The following SVOPL variants were observed in gnomAD, a reference collection of about 807,000 sequenced individuals.
The protein encoded by SVOPL is SVOP like.
Under a neutral mutation model 61.0 loss-of-function variants are expected in SVOPL, and 60 were observed. The ratio of observed to expected loss-of-function variants is 0.98; its 90% CI spans 0.80 to 1.22. The LOEUF (loss-of-function observed/expected upper bound fraction) is 1.22. Among genes scored for constraint, SVOPL ranks in the 50% most tolerant of loss-of-function variants. The pLI, the probability that SVOPL is intolerant of heterozygous loss-of-function variation, is 0.00. For synonymous variants in SVOPL, 279 were observed against 250.0 expected, an observed-to-expected ratio of 1.12 and a Z score of -1.09; for missense variants, 662 against 643.9, an observed-to-expected ratio of 1.03 and a Z score of -0.30.
In SVOPL at chr7:138,656,432, T is replaced by G; in HGVS notation, c.534+16A>C. The G allele has an allele frequency of 2.5e-6, 4 of 1,613,540 alleles. No individual in the cohort carries two copies. The highest frequency in any genetic ancestry group is 3.4e-6 in the Non-Finnish European group (4 of 1,179,704). ...ATAGGATGCCAAAGGCAGGTAGAAC[T>G]CCTACGTTGCCTTACCTGAGACAAG... On this transcript the variant is annotated intron_variant, in intron 7 of 15. Transcript: ENST00000674285.
intron 1 of SVOPL, among the ~76,000 whole-genome samples, chr7:138,685,741 G>GACA: frequency 6.6e-6 from 1 of 151,828 alleles, no homozygotes; most frequent in Middle Eastern, 3.4e-3. Context: ...GTGCAGTGGT[G>GACA]GGCACCTGTA....
At chr7:138,668,099 C>T (rs1372470697) in intron 4 of SVOPL, among the ~76,000 whole-genome samples, 4 of 152,096 alleles carry the variant, frequency 2.6e-5, no homozygotes, top group Non-Finnish European at 4.4e-5. Flanking sequence ...CAGCTGGTAC[C>T]ACCCAGACCA....
intron 5 of SVOPL, chr7:138,660,314 A>G (rs1801948359): frequency 9.4e-7 from 1 of 1,062,286 alleles, no homozygotes; most frequent in Non-Finnish European, 1.1e-6. Flanking sequence ...GGACGTAATG[A>G]GGCAGTATGT....
intron 1 of SVOPL, among the ~76,000 whole-genome samples, chr7:138,686,129 G>A (rs2117132416): frequency 6.6e-6 from 1 of 150,696 alleles, no homozygotes; most frequent in Admixed American, 6.6e-5. Context: ...AGGGCCAGGT[G>A]CCACGGCTCA....
In SVOPL at chr7:138,596,424, G is replaced by A; in HGVS notation, c.1460C>T (p.Ala487Val). The A allele has an allele frequency of 1.9e-6, 3 of 1,613,746 alleles. No individual in the cohort carries two copies. The highest frequency in any genetic ancestry group is 2.2e-5 in the South Asian group (2 of 91,036). ...FTLPIETKGR[A>V]LQQIK ...GTTCCCTGCATCACTCACCTGGAGG[G>A]CCCGTCCTTTGGTTTCGATGGGGAG... Residue 487 changes from alanine (A) to valine (V), a missense_variant, in exon 15 of 16, where the codon GCC becomes GTC. By Grantham distance (64) the Ala-to-Val change is moderately conservative. Transcript: ENST00000674285.
chr7:138,630,951 G>GA (rs57139655), intron 9 of SVOPL, among the ~76,000 whole-genome samples: 2,153 of 76,318 alleles, frequency 0.028, 49 homozygotes, highest in Middle Eastern at 0.046. Flanking sequence ...CTCAAAAAAA[G>GA]AAAAAAAAAA....
chr7:138,684,229 A>G (rs1400894877), intron 1 of SVOPL, among the ~76,000 whole-genome samples: 1 of 144,436 alleles, frequency 6.9e-6, no homozygotes, highest in African/African-American at 2.6e-5. Flanking sequence ...GCAGGGCACG[A>G]TGGTGGGTGC....
At chr7:138,604,346 G>GTAAA (rs1467803369) in intron 14 of SVOPL, among the ~76,000 whole-genome samples, 1 of 152,060 alleles carries the variant, frequency 6.6e-6, no homozygotes, top group Non-Finnish European at 1.5e-5. Flanking sequence ...AGAAAACAAT[G>GTAAA]TAAATGACTG....
chr7:138,683,095 T>C (rs1802734626), intron 1 of SVOPL, among the ~76,000 whole-genome samples: 1 of 152,030 alleles, frequency 6.6e-6, no homozygotes, highest in South Asian at 2.1e-4. Context: ...ATGGCCTCAT[T>C]AGGTGTGACA....
At chr7:138,640,760 C>T (rs1800742568) in intron 9 of SVOPL, among the ~76,000 whole-genome samples, 1 of 152,088 alleles carries the variant, frequency 6.6e-6, no homozygotes. Context: ...CTGCAGACTA[C>T]TAGAGTGGGG....
At chr7:138,672,522 A>G (rs1802449386) in intron 3 of SVOPL, among the ~76,000 whole-genome samples, 1 of 152,142 alleles carries the variant, frequency 6.6e-6, no homozygotes, top group African/African-American at 2.4e-5. Flanking sequence ...TGCAGAGCAC[A>G]CGCCTTATAA....
Position 138,627,332 on chromosome 7 carries a change from C to G in SVOPL, c.1181+18G>C, listed in dbSNP as rs771073311. The G allele has an allele frequency of 6.3e-7, 1 of 1,586,042 alleles. No homozygotes were observed. Among genetic ancestry groups the G allele is most frequent in the East Asian group, 2.2e-5 (1 of 44,692 alleles). ...AGAAACCACTGCACAAAATCTGAAG[C>G]AATTAAACAGAAAATACCTTGAAGT... On this transcript the variant is annotated intron_variant, in intron 12 of 15. Coordinates refer to ENST00000674285, the MANE Select transcript of SVOPL (RefSeq NM_001139456.2).
chr7:138,700,486 C>T (rs1311363692), intron 1 of SVOPL, among the ~76,000 whole-genome samples: 2 of 151,720 alleles, frequency 1.3e-5, no homozygotes, highest in South Asian at 2.1e-4. Context: ...TTACAGGCAC[C>T]CACCACCATG....
At chr7:138,697,446 G>GT (rs1180200371) in intron 1 of SVOPL, among the ~76,000 whole-genome samples, 1 of 151,492 alleles carries the variant, frequency 6.6e-6, no homozygotes, top group Non-Finnish European at 1.5e-5. Flanking sequence ...TACAAAAAAA[G>GT]TTTTTTAAAA....
chr7:138,622,242 CTATCTATCTATG>C (rs1799686954), intron 13 of SVOPL, among the ~76,000 whole-genome samples: 15 of 84,192 alleles, frequency 1.8e-4, no homozygotes, highest in East Asian at 8.8e-4. Flanking sequence ...ATGTATCTAT[CTATCTATCTATG>C]TATCTATCTA....
intron 14 of SVOPL, among the ~76,000 whole-genome samples, chr7:138,615,888 T>C (rs1178693971): frequency 6.6e-6 from 1 of 151,976 alleles, no homozygotes; most frequent in East Asian, 1.9e-4. Flanking sequence ...CAGAAAAAAC[T>C]CTTTCCCCTC....
chr7:138,605,480 A>T (rs1259832575), intron 14 of SVOPL, among the ~76,000 whole-genome samples: 3 of 151,946 alleles, frequency 2.0e-5, no homozygotes, highest in Admixed American at 6.6e-5. Flanking sequence ...TGGCCAACAC[A>T]GCGAAACCCG....
chr7:138,595,200 CT>C (rs1377917831), intron 15 of SVOPL, among the ~76,000 whole-genome samples: 6 of 130,250 alleles, frequency 4.6e-5, no homozygotes, highest in Admixed American at 7.5e-5. Flanking sequence ...AGGATGCTGT[CT>C]GTATGTGTTG....
At chr7:138,654,800 G>C (rs968948092) in intron 7 of SVOPL, among the ~76,000 whole-genome samples, 1 of 151,304 alleles carries the variant, frequency 6.6e-6, no homozygotes, top group African/African-American at 2.4e-5. Flanking sequence ...GAAAAGCATG[G>C]TCAACATAGT....
Sources: allele counts gnomAD v4.1 joint callset (sites outside exome capture counted in the v4.1 genomes callset), GRCh38; gene constraint gnomAD v4.1.1; transcripts MANE v1.5; gene names NCBI Gene and HGNC (gene_info 2026-07-23, HGNC 2026-07-21).